The following CCNY variants were observed in gnomAD, a reference collection of about 807,000 sequenced individuals.
The protein encoded by CCNY is cyclin Y.
In CCNY, 19 loss-of-function variants were observed where a neutral mutation model predicts 42.8. The observed-to-expected ratio is 0.44, with a 90% CI of 0.31 to 0.65. The LOEUF is 0.65. CCNY is among the 30% of genes least tolerant of loss of function. CCNY has a pLI of 0.07. For missense variants in CCNY, 370 were observed against 437.3 expected (o/e 0.85, Z 1.37); for synonymous variants, 165 against 162.7 (o/e 1.01, Z -0.11).
chr10:35,263,769 G>C (rs1249503861), intron 3 of CCNY, among the ~76,000 whole-genome samples: 1 of 152,102 alleles, frequency 6.6e-6, no homozygotes, highest in Non-Finnish European at 1.5e-5. Flanking sequence ...GTTGTTTGCT[G>C]CACAGATCAT....
At chr10:35,547,598 T>A (rs1271878572) in intron 7 of CCNY, among the ~76,000 whole-genome samples, 1 of 152,188 alleles carries the variant, frequency 6.6e-6, no homozygotes, top group Non-Finnish European at 1.5e-5. Flanking sequence ...AATGCCATTA[T>A]TTGTGGTCGT....
intron 7 of CCNY, among the ~76,000 whole-genome samples, chr10:35,534,857 C>T (rs997315600): frequency 6.6e-6 from 1 of 151,590 alleles, no homozygotes; most frequent in African/African-American, 2.4e-5. Flanking sequence ...TGATTGGCTT[C>T]TTTTACTTAG....
At chr10:35,541,204 G>A (rs888756577) in intron 7 of CCNY, among the ~76,000 whole-genome samples, 1 of 151,854 alleles carries the variant, frequency 6.6e-6, no homozygotes, top group African/African-American at 2.4e-5. Flanking sequence ...CATTTCCATA[G>A]ATGTATTTTT....
At chr10:35,270,728 CTTT>C (rs11411285) in intron 3 of CCNY, among the ~76,000 whole-genome samples, 2 of 124,722 alleles carry the variant, frequency 1.6e-5, no homozygotes, top group African/African-American at 3.1e-5. Context: ...TTTTTTTTTT[CTTT>C]TTTTTTTTTT....
intron 1 of CCNY, among the ~76,000 whole-genome samples, chr10:35,451,303 C>T (rs768500693): frequency 1.3e-5 from 2 of 152,220 alleles, no homozygotes; most frequent in Non-Finnish European, 2.9e-5. Flanking sequence ...TGGACTGATA[C>T]TGCCTGGGTG....
intron 1 of CCNY, among the ~76,000 whole-genome samples, chr10:35,405,878 G>A (rs1026001301): frequency 5.3e-5 from 8 of 152,328 alleles, no homozygotes; most frequent in Middle Eastern, 3.4e-3. Flanking sequence ...ATGGGACACG[G>A]TTTAGGAGGA....
At chr10:35,507,578 T>A (rs1840240091) in intron 3 of CCNY, among the ~76,000 whole-genome samples, 1 of 152,212 alleles carries the variant, frequency 6.6e-6, no homozygotes, top group Non-Finnish European at 1.5e-5. Flanking sequence ...AATTTAACAT[T>A]GATATGTTTC....
chr10:35,330,137 G>A (rs1423903157), intron 3 of CCNY, among the ~76,000 whole-genome samples: 1 of 152,166 alleles, frequency 6.6e-6, no homozygotes, highest in African/African-American at 2.4e-5. Context: ...CTGGCTCGAG[G>A]GAGACACTCA....
intron 1 of CCNY, among the ~76,000 whole-genome samples, chr10:35,396,310 C>T (rs889640545): frequency 1.8e-4 from 27 of 152,266 alleles, no homozygotes; most frequent in Admixed American, 5.2e-4. Context: ...TCACACCTTC[C>T]CAAAGCACTC....
At chr10:35,520,624 C>G (rs1459393318) in intron 4 of CCNY, among the ~76,000 whole-genome samples, 3 of 151,974 alleles carry the variant, frequency 2.0e-5, no homozygotes, top group Non-Finnish European at 4.4e-5. Context: ...GTGGGGATTG[C>G]CAGAAATAAA....
chr10:35,548,486 C>T (rs1009450725), intron 7 of CCNY, among the ~76,000 whole-genome samples: 7 of 151,804 alleles, frequency 4.6e-5, no homozygotes, highest in Non-Finnish European at 5.9e-5. Flanking sequence ...TTAGTAGAGA[C>T]GGGGTTTCAC....
intron 1 of CCNY, among the ~76,000 whole-genome samples, chr10:35,359,495 TTA>T (rs1371893990): frequency 9.0e-5 from 7 of 77,684 alleles, no homozygotes; most frequent in African/African-American, 2.7e-4. Context: ...TCTTTATTTA[TTA>T]TTATTATTAT....
At chr10:35,305,711 T>C (rs1835598221) in intron 3 of CCNY, among the ~76,000 whole-genome samples, 1 of 152,228 alleles carries the variant, frequency 6.6e-6, no homozygotes, top group Non-Finnish European at 1.5e-5. Context: ...GATTGGGTTA[T>C]GTGGATACTT....
At chr10:35,442,239 G>A (rs1262006568) in intron 1 of CCNY, among the ~76,000 whole-genome samples, 3 of 152,198 alleles carry the variant, frequency 2.0e-5, no homozygotes, top group Non-Finnish European at 2.9e-5. Flanking sequence ...CCCTCCAAGG[G>A]CTTATGGTGG....
chr10:35,264,594 G>C (rs532236051), intron 3 of CCNY, among the ~76,000 whole-genome samples: 1 of 151,520 alleles, frequency 6.6e-6, no homozygotes, highest in African/African-American at 2.4e-5. Context: ...TCATATGTTT[G>C]TTGGCCACAT....
chr10:35,366,947 C>T (rs577576804), intron 1 of CCNY, among the ~76,000 whole-genome samples: 1 of 152,264 alleles, frequency 6.6e-6, no homozygotes, highest in South Asian at 2.1e-4. Flanking sequence ...GAATGGTCTA[C>T]CTGGAATGCC....
chr10:35,482,749 GGTGTGTGTGTGTGTGTGTGTGTGT>G (rs56033862), intron 1 of CCNY, among the ~76,000 whole-genome samples: 23 of 128,844 alleles, frequency 1.8e-4, no homozygotes, highest in African/African-American at 3.5e-4. Context: ...GCTGGAAATA[GGTGTGTGTGTGTGTGTGTGTGTGT>G]GTGTGTGTGT....
intron 1 of CCNY, among the ~76,000 whole-genome samples, chr10:35,456,148 C>T (rs1476238323): frequency 6.6e-6 from 1 of 152,052 alleles, no homozygotes; most frequent in African/African-American, 2.4e-5. Context: ...TGTAATTGCA[C>T]TCACACATGT....
intron 1 of CCNY, among the ~76,000 whole-genome samples, chr10:35,418,290 C>T (rs899289717): frequency 5.3e-5 from 8 of 151,956 alleles, no homozygotes; most frequent in East Asian, 1.9e-4. Context: ...TGCCTGTAGC[C>T]GGGGGTGGAG....
Sources: allele counts gnomAD v4.1 joint callset (sites outside exome capture counted in the v4.1 genomes callset), GRCh38; gene constraint gnomAD v4.1.1; transcripts MANE v1.5; gene names NCBI Gene and HGNC (gene_info 2026-07-23, HGNC 2026-07-21).